GPC5: variants seen among roughly 807,000 people sequenced by gnomAD.
GPC5 encodes glypican-5.
A neutral mutation model predicts 53.9 loss-of-function variants in GPC5; 47 were observed. The observed-to-expected ratio is 0.87, with a 90% CI of 0.69 to 1.11. The LOEUF (loss-of-function observed/expected upper bound fraction) is 1.11. Among genes scored for constraint, GPC5 ranks in the 50% most tolerant of loss-of-function variants. The probability of loss-of-function intolerance (pLI) is 0.00; values close to 1 mark genes in which losing one functional copy is unlikely to be tolerated. For synonymous variants in GPC5, 286 were observed against 263.3 expected, an observed-to-expected ratio of 1.09 and a Z score of -0.84; for missense variants, 748 against 713.1, an observed-to-expected ratio of 1.05 and a Z score of -0.56.
At chr13:92,652,408 A>AT (rs1381570925) in intron 7 of GPC5, among the ~76,000 whole-genome samples, 4 of 151,900 alleles carry the variant, frequency 2.6e-5, no homozygotes, top group Non-Finnish European at 4.4e-5. Context: ...GTTACCCTGT[A>AT]TTTTTTTTCT....
At chr13:92,356,300 G>T (rs1383254219) in intron 7 of GPC5, among the ~76,000 whole-genome samples, 1 of 152,246 alleles carries the variant, frequency 6.6e-6, no homozygotes, top group East Asian at 1.9e-4. Context: ...AGTAGGAGGA[G>T]GGAAACCTAG....
chr13:92,330,340 T>C (rs2043280209), intron 7 of GPC5, among the ~76,000 whole-genome samples: 1 of 152,180 alleles, frequency 6.6e-6, no homozygotes, highest in Non-Finnish European at 1.5e-5. Flanking sequence ...GAAGTAGTAA[T>C]AATAACATCT....
chr13:91,777,714 C>T (rs568755403), intron 5 of GPC5, among the ~76,000 whole-genome samples: 1 of 142,060 alleles, frequency 7.0e-6, no homozygotes, highest in South Asian at 3.0e-4. Flanking sequence ...AGATAGGAAC[C>T]TGAAAACTCA....
At chr13:91,752,840 G>A (rs1328405630) in intron 4 of GPC5, among the ~76,000 whole-genome samples, 1 of 152,190 alleles carries the variant, frequency 6.6e-6, no homozygotes, top group Non-Finnish European at 1.5e-5. Flanking sequence ...AACATCACAT[G>A]AGTGCTGCTT....
intron 6 of GPC5, among the ~76,000 whole-genome samples, chr13:92,143,842 T>C (rs2041847845): frequency 6.6e-6 from 1 of 152,144 alleles, no homozygotes; most frequent in Admixed American, 6.6e-5. Flanking sequence ...GTCTGCTAAT[T>C]GATAATATTA....
At chr13:92,441,473 C>T (rs987137998) in intron 7 of GPC5, among the ~76,000 whole-genome samples, 1 of 152,168 alleles carries the variant, frequency 6.6e-6, no homozygotes, top group Non-Finnish European at 1.5e-5. Context: ...AACTAATAAA[C>T]AACTTCAGTA....
At chr13:92,176,917 A>G (rs1291184320) in intron 7 of GPC5, among the ~76,000 whole-genome samples, 2 of 152,162 alleles carry the variant, frequency 1.3e-5, no homozygotes, top group African/African-American at 4.8e-5. Context: ...TTAACTACCA[A>G]TGATATAACA....
intron 6 of GPC5, among the ~76,000 whole-genome samples, chr13:92,060,195 G>A (rs971487595): frequency 2.0e-5 from 3 of 151,372 alleles, no homozygotes; most frequent in Admixed American, 6.6e-5. Flanking sequence ...AGAAGCTTGC[G>A]GTAGTATAAT....
chr13:92,080,778 T>C (rs1211261023), intron 6 of GPC5, among the ~76,000 whole-genome samples: 1 of 152,248 alleles, frequency 6.6e-6, no homozygotes. Context: ...GTGATATTTG[T>C]AGTATAAAAT....
At chr13:92,623,804 C>T (rs1393522679) in intron 7 of GPC5, among the ~76,000 whole-genome samples, 3 of 151,376 alleles carry the variant, frequency 2.0e-5, no homozygotes, top group Non-Finnish European at 4.4e-5. Flanking sequence ...TTCAGGAATG[C>T]AATTATTCTT....
At chr13:91,794,184 C>G (rs1348174649) in intron 5 of GPC5, among the ~76,000 whole-genome samples, 1 of 152,136 alleles carries the variant, frequency 6.6e-6, no homozygotes, top group African/African-American at 2.4e-5. Flanking sequence ...AAGTGTAAAT[C>G]TCTATTCAAG....
chr13:92,029,362 C>T (rs961186635), intron 6 of GPC5, among the ~76,000 whole-genome samples: 2 of 152,152 alleles, frequency 1.3e-5, no homozygotes, highest in Admixed American at 1.3e-4. Flanking sequence ...ATTTGGCTTG[C>T]GTTGTCACAT....
At position 91,577,117 on chromosome 13, in the gene GPC5, T is replaced by A. The variant is rs574213142; in HGVS notation, c.326-116070T>A. Among the ~76,000 whole-genome samples, 3 of 152,276 alleles carry A rather than the reference T, an allele frequency of 2.0e-5. No individual in the cohort carries two copies. The South Asian group carries it at 6.2e-4, about 32-fold the overall frequency. On this transcript the variant is annotated intron_variant, in intron 2 of 7. Coordinates refer to ENST00000377067, the MANE Select transcript of GPC5 (RefSeq NM_004466.6). ...ATACTGTGAACAGATTATTGGTTCT[T>A]CCTGTCTCCCTAGGCACTATATGGA...
chr13:91,844,804 C>G (rs1163821277), intron 5 of GPC5, among the ~76,000 whole-genome samples: 1 of 152,122 alleles, frequency 6.6e-6, no homozygotes, highest in African/African-American at 2.4e-5. Context: ...CGGCTTGCTG[C>G]AACCTCCACC....
intron 5 of GPC5, among the ~76,000 whole-genome samples, chr13:91,805,265 A>T (rs899462269): frequency 6.6e-6 from 1 of 152,136 alleles, no homozygotes; most frequent in South Asian, 2.1e-4. Context: ...ATTAAATCTA[A>T]AGCTAAAAAT....
rs369320093 is a variant in GPC5, at chr13:92,655,641, G to A, written c.1562-210641G>A. Among the ~76,000 whole-genome samples, 10 of 152,186 alleles carry A rather than the reference G, an allele frequency of 6.6e-5. No homozygotes were observed. The East Asian group carries it at 9.7e-4, about 15-fold the overall frequency. Reference sequence around the variant, plus strand: ...TAGGCGTGAGCCACCGCACCTGTTCGGTTGCCACTTTTGGAGTATCAAGAG... The same window carrying A: ...TAGGCGTGAGCCACCGCACCTGTTCAGTTGCCACTTTTGGAGTATCAAGAG... On this transcript the variant is annotated intron_variant, in intron 7 of 7. Transcript: ENST00000377067.
chr13:92,779,699 C>T (rs1875950339), intron 7 of GPC5, among the ~76,000 whole-genome samples: 1 of 152,032 alleles, frequency 6.6e-6, no homozygotes, highest in Non-Finnish European at 1.5e-5. Flanking sequence ...TGGATGACAG[C>T]TACTCCTATG....
intron 6 of GPC5, among the ~76,000 whole-genome samples, chr13:92,032,727 C>T (rs1333424565): frequency 6.6e-6 from 1 of 152,156 alleles, no homozygotes; most frequent in Non-Finnish European, 1.5e-5. Flanking sequence ...CCCTCTCTGT[C>T]CTCTTACCAG....
chr13:92,698,985 G>T (rs1268051905), intron 7 of GPC5, among the ~76,000 whole-genome samples: 2 of 152,086 alleles, frequency 1.3e-5, no homozygotes, highest in Non-Finnish European at 2.9e-5. Flanking sequence ...GTTTAGAATA[G>T]TTTCAGAAGA....
Sources: allele counts gnomAD v4.1 joint callset (sites outside exome capture counted in the v4.1 genomes callset), GRCh38; gene constraint gnomAD v4.1.1; transcripts MANE v1.5; gene names NCBI Gene and HGNC (gene_info 2026-07-23, HGNC 2026-07-21).